CACNB2: variants seen among roughly 807,000 people sequenced by gnomAD.
CACNB2 encodes the protein voltage-dependent L-type calcium channel subunit beta-2.
Under a neutral mutation model 73.3 loss-of-function variants are expected in CACNB2, and 42 were observed. The observed-to-expected ratio is 0.57, with a 90% CI of 0.45 to 0.74. CACNB2 has a LOEUF of 0.74. Ranked by LOEUF, CACNB2 falls within the 30% of genes least tolerant of loss-of-function variation. The pLI, the probability that CACNB2 is intolerant of heterozygous loss-of-function variation, is 0.00. For missense variants in CACNB2, 940 were observed against 853.0 expected (o/e 1.10, Z -1.27); for synonymous variants, 348 against 310.3 (o/e 1.12, Z -1.28).
chr10:18,403,388 C>G (rs943308414), intron 3 of CACNB2, among the ~76,000 whole-genome samples: 10 of 152,266 alleles, frequency 6.6e-5, no homozygotes, highest in Admixed American at 2.6e-4. Flanking sequence ...ATTCTATATT[C>G]TATATTTTGC....
chr10:18,243,727 A>G (rs1466646113), intron 2 of CACNB2, among the ~76,000 whole-genome samples: 2 of 152,122 alleles, frequency 1.3e-5, no homozygotes, highest in Non-Finnish European at 2.9e-5. Flanking sequence ...TCCTCTTGGC[A>G]CATGATTTCT....
intron 3 of CACNB2, among the ~76,000 whole-genome samples, chr10:18,441,451 TG>T (rs1394834765): frequency 3.3e-5 from 5 of 152,116 alleles, no homozygotes; most frequent in Non-Finnish European, 7.4e-5. Flanking sequence ...GCTTCCTTGA[TG>T]GGGTTTGTTT....
At chr10:18,428,340 T>G (rs1589322131) in intron 3 of CACNB2, among the ~76,000 whole-genome samples, 1 of 152,258 alleles carries the variant, frequency 6.6e-6, no homozygotes, top group Non-Finnish European at 1.5e-5. Context: ...TTGTCCTTTT[T>G]GCATGCTGCA....
rs184166044 is a variant in CACNB2, at chr10:18,161,786, G to A, written c.213+10811G>A. ...TAAAAATATTTTTTAAAAATTAGCCGGGCATGGTGGTGGGCACCTGTAATC... is the reference window on the plus strand; with the variant it reads ...TAAAAATATTTTTTAAAAATTAGCCAGGCATGGTGGTGGGCACCTGTAATC... On this transcript the variant is annotated intron_variant, in intron 2 of 13. Coordinates refer to ENST00000324631, the MANE Select transcript of CACNB2 (RefSeq NM_201596.3). Among the ~76,000 whole-genome samples, 739 of 152,026 alleles carry A rather than the reference G, an allele frequency of 4.9e-3. 6 individuals are homozygous for A. Among genetic ancestry groups the A allele is most frequent in the Non-Finnish European group, 8.3e-3 (562 of 67,966 alleles).
chr10:18,519,418 A>G (rs2051615170), intron 9 of CACNB2, among the ~76,000 whole-genome samples: 1 of 152,202 alleles, frequency 6.6e-6, no homozygotes, highest in South Asian at 2.1e-4. Context: ...AGGCAAACAG[A>G]GAACATCCAG....
At chr10:18,211,410 A>C (rs899901157) in intron 2 of CACNB2, among the ~76,000 whole-genome samples, 2 of 152,212 alleles carry the variant, frequency 1.3e-5, no homozygotes, top group Non-Finnish European at 2.9e-5. Context: ...CTTTTAAGAT[A>C]TACAAAAAGG....
chr10:18,443,520 C>A (rs963595918), intron 3 of CACNB2, among the ~76,000 whole-genome samples: 2 of 152,182 alleles, frequency 1.3e-5, no homozygotes, highest in East Asian at 3.9e-4. Context: ...AAAGTGTAGA[C>A]CCAACTCCTC....
chr10:18,367,284 A>G (rs1295404144), intron 2 of CACNB2, among the ~76,000 whole-genome samples: 4 of 152,044 alleles, frequency 2.6e-5, no homozygotes, highest in Non-Finnish European at 5.9e-5. Flanking sequence ...AACACATTTT[A>G]TAATTATATT....
intron 2 of CACNB2, among the ~76,000 whole-genome samples, chr10:18,370,553 G>A (rs1287854962): frequency 2.0e-5 from 3 of 152,186 alleles, no homozygotes; most frequent in Non-Finnish European, 4.4e-5. Flanking sequence ...TCCCACCTTG[G>A]CCTTTCAAAG....
chr10:18,298,944 CTG>C (rs2039389076), intron 2 of CACNB2, among the ~76,000 whole-genome samples: 1 of 151,888 alleles, frequency 6.6e-6, no homozygotes, highest in Admixed American at 6.6e-5. Context: ...AGAGATTGCA[CTG>C]TGAGAGGCTT....
chr10:18,495,591 G>GTGTGTGTATA (rs768160446), intron 3 of CACNB2, among the ~76,000 whole-genome samples: 1 of 138,630 alleles, frequency 7.2e-6, no homozygotes, highest in Non-Finnish European at 1.6e-5. Context: ...GTGTGTGTGT[G>GTGTGTGTATA]TATAAGAGAT....
intron 2 of CACNB2, among the ~76,000 whole-genome samples, chr10:18,282,679 C>A (rs12784081): frequency 0.067 from 10,190 of 152,238 alleles, 493 homozygotes; most frequent in South Asian, 0.13. Flanking sequence ...ATTGACTGGA[C>A]AAGGAGTTGC....
intron 2 of CACNB2, chr10:18,401,114 CT>C: frequency 6.2e-7 from 1 of 1,614,092 alleles, no homozygotes; most frequent in Admixed American, 1.7e-5. Flanking sequence ...AGCGCAAGGG[CT>C]TTCGTTTGTG....
rs539824188 is a variant in CACNB2 at position 18,539,455 on chromosome 10, G to A, written c.1714G>A (p.Glu572Lys). Residue 572 changes from glutamate (E) to lysine (K), a missense_variant, in exon 14 of 14, where the codon GAA (glutamate) becomes AAA (lysine). Physicochemically the swap from Glu to Lys is moderately conservative, Grantham distance 56. Coordinates refer to ENST00000324631, the MANE Select transcript of CACNB2 (RefSeq NM_201596.3). ...SRDSAYVEPK[E>K]DYSHDHVDHY... ...AGACTCTGCCTACGTAGAGCCAAAGGAAGATTATTCCCATGACCACGTGGA... is the reference window on the plus strand; with the variant it reads ...AGACTCTGCCTACGTAGAGCCAAAGAAAGATTATTCCCATGACCACGTGGA... 2 of 1,614,010 alleles carry A rather than the reference G, an allele frequency of 1.2e-6. No homozygotes were observed. The highest frequency in any genetic ancestry group is 1.7e-5 in the Admixed American group (1 of 59,994).
intron 3 of CACNB2, among the ~76,000 whole-genome samples, chr10:18,413,923 A>G (rs935869954): frequency 1.3e-5 from 2 of 152,268 alleles, no homozygotes; most frequent in Non-Finnish European, 1.5e-5. Context: ...GGAGCAGTTC[A>G]GGGTGTTGTG....
chr10:18,237,369 A>G (rs1459780097), intron 2 of CACNB2, among the ~76,000 whole-genome samples: 1 of 152,226 alleles, frequency 6.6e-6, no homozygotes, highest in Non-Finnish European at 1.5e-5. Flanking sequence ...GAAAACCAAG[A>G]CACAGATACA....
In CACNB2 at chr10:18,402,052, G is replaced by C. The variant is rs752760931; in HGVS notation, c.333+9G>C. 2.5e-5 allele frequency: 40 copies of C among 1,612,964 alleles called. No individual in the cohort carries two copies. Among genetic ancestry groups the C allele is most frequent in the African/African-American group, 4.0e-5 (3 of 74,902 alleles). On this transcript the variant is annotated intron_variant, in intron 3 of 13. Transcript: ENST00000324631. ...AGTTGGAAAAAGCAAAGGTAAAATCGTTTCCTCCCTGCCAAGATCTTTGCA... is the reference window on the plus strand; with the variant it reads ...AGTTGGAAAAAGCAAAGGTAAAATCCTTTCCTCCCTGCCAAGATCTTTGCA...
At chr10:18,505,208 C>G (rs2050422529) in intron 5 of CACNB2, among the ~76,000 whole-genome samples, 1 of 151,300 alleles carries the variant, frequency 6.6e-6, no homozygotes, top group East Asian at 1.9e-4. Flanking sequence ...GAATATAAAA[C>G]CCATGAACTT....
intron 7 of CACNB2, among the ~76,000 whole-genome samples, chr10:18,515,202 C>A (rs995865971): frequency 2.0e-5 from 3 of 152,206 alleles, no homozygotes; most frequent in African/African-American, 4.8e-5. Context: ...GGCTCCTTGT[C>A]CCCTAAATGG....
Sources: allele counts gnomAD v4.1 joint callset (sites outside exome capture counted in the v4.1 genomes callset), GRCh38; gene constraint gnomAD v4.1.1; transcripts MANE v1.5; gene names NCBI Gene and HGNC (gene_info 2026-07-23, HGNC 2026-07-21).